CPNE4: variants seen among roughly 807,000 people sequenced by gnomAD.
CPNE4 encodes copine-4.
CPNE4 carries 25 observed loss-of-function variants against 67.9 expected under a neutral mutation model. That is an observed-to-expected ratio of 0.37 (90% CI 0.27 to 0.51). The LOEUF is 0.51. Ranked by LOEUF, CPNE4 falls within the 20% of genes least tolerant of loss-of-function variation. The pLI is 0.93. For missense variants in CPNE4, 464 were observed against 690.8 expected, an observed-to-expected ratio of 0.67 and a Z score of 3.68; for synonymous variants, 242 against 244.9, an observed-to-expected ratio of 0.99 and a Z score of 0.11.
At chr3:131,717,650 C>T (rs563970957) in intron 3 of CPNE4, among the ~76,000 whole-genome samples, 4 of 152,320 alleles carry the variant, frequency 2.6e-5, no homozygotes, top group African/African-American at 7.2e-5. Context: ...CCTGCAAACT[C>T]CGCCTCCCTC....
chr3:131,669,553 A>T, intron 7 of CPNE4, 122 bp downstream of exon 7: 1 of 675,676 alleles, frequency 1.5e-6, no homozygotes, highest in Non-Finnish European at 2.5e-6. Flanking sequence ...AGATGCTAAA[A>T]GATGAGAGGG....
chr3:132,006,792 C>T (rs1234908208), intron 1 of CPNE4, among the ~76,000 whole-genome samples: 1 of 152,018 alleles, frequency 6.6e-6, no homozygotes, highest in African/African-American at 2.4e-5. Context: ...GTGCCCAGAC[C>T]GCAAAGGGGC....
chr3:131,581,212 C>A (rs59453402), intron 9 of CPNE4, among the ~76,000 whole-genome samples: 9,305 of 152,048 alleles, frequency 0.061, 725 homozygotes, highest in African/African-American at 0.19. Context: ...CAAACCAAAC[C>A]AAACAAAACA....
chr3:132,002,187 T>G (rs1031429720), intron 1 of CPNE4, among the ~76,000 whole-genome samples: 1 of 152,124 alleles, frequency 6.6e-6, no homozygotes, highest in Non-Finnish European at 1.5e-5. Flanking sequence ...GTGCCCCATT[T>G]ATCATCTCAA....
chr3:132,000,158 G>A (rs2073394542), intron 1 of CPNE4, among the ~76,000 whole-genome samples: 1 of 151,878 alleles, frequency 6.6e-6, no homozygotes, highest in South Asian at 2.1e-4. Flanking sequence ...AACAAGATAG[G>A]ATAGATAAAA....
chr3:131,546,232 A>G (rs193118058), intron 14 of CPNE4, among the ~76,000 whole-genome samples: 76 of 152,334 alleles, frequency 5.0e-4, no homozygotes, highest in African/African-American at 1.7e-3. Flanking sequence ...TCATCTAGCT[A>G]AAGGCACTAG....
chr3:131,974,999 C>A (rs1279027414), intron 1 of CPNE4, among the ~76,000 whole-genome samples: 4 of 152,032 alleles, frequency 2.6e-5, no homozygotes, highest in Non-Finnish European at 2.9e-5. Flanking sequence ...CAGAGCCAGA[C>A]CCTGTCTCAA....
At chr3:131,917,039 A>G (rs1399159857) in intron 1 of CPNE4, among the ~76,000 whole-genome samples, 2 of 152,166 alleles carry the variant, frequency 1.3e-5, no homozygotes, top group Non-Finnish European at 2.9e-5. Flanking sequence ...ATTGGTGGTG[A>G]CTGCCCATCT....
At chr3:131,807,585 CTAGG>C (rs1200171665) in intron 2 of CPNE4, among the ~76,000 whole-genome samples, 1 of 151,800 alleles carries the variant, frequency 6.6e-6, no homozygotes. Context: ...ATTTATTTCT[CTAGG>C]TTAAAAAAAG....
chr3:131,637,535 T>C (rs1400354635), intron 7 of CPNE4, among the ~76,000 whole-genome samples: 1 of 152,182 alleles, frequency 6.6e-6, no homozygotes, highest in Non-Finnish European at 1.5e-5. Context: ...CCAATAAGTT[T>C]GGGACTATGT....
At chr3:131,557,859 G>A (rs1040083429) in intron 11 of CPNE4, among the ~76,000 whole-genome samples, 33 of 151,938 alleles carry the variant, frequency 2.2e-4, no homozygotes, top group Non-Finnish European at 4.4e-4. Context: ...CTGAAGTAAG[G>A]CTTTTCTGGG....
At chr3:131,955,535 A>T (rs975549547) in intron 1 of CPNE4, among the ~76,000 whole-genome samples, 5 of 150,286 alleles carry the variant, frequency 3.3e-5, no homozygotes, top group Non-Finnish European at 7.4e-5. Flanking sequence ...AAATGCCACA[A>T]AACAGGGCTT....
chr3:131,856,407 G>A (rs1179434657), intron 2 of CPNE4, among the ~76,000 whole-genome samples: 1 of 151,728 alleles, frequency 6.6e-6, no homozygotes, highest in Non-Finnish European at 1.5e-5. Context: ...CTTTCATAGG[G>A]ATCACATACT....
chr3:131,579,743 G>A (rs1337594689), intron 9 of CPNE4, among the ~76,000 whole-genome samples: 1 of 152,212 alleles, frequency 6.6e-6, no homozygotes, highest in African/African-American at 2.4e-5. Flanking sequence ...GGAATTATAA[G>A]TGGAGCCTGA....
chr3:131,835,043 A>G (rs2085502896), intron 2 of CPNE4, among the ~76,000 whole-genome samples: 1 of 152,202 alleles, frequency 6.6e-6, no homozygotes, highest in Non-Finnish European at 1.5e-5. Context: ...TACTTCTGCT[A>G]ATTTCAACAA....
At chr3:131,620,994 GT>G (rs150889507) in intron 7 of CPNE4, among the ~76,000 whole-genome samples, 6,052 of 152,242 alleles carry the variant, frequency 0.04, 391 homozygotes, top group African/African-American at 0.14. Context: ...TCATCAAGTG[GT>G]TTTTGTCTGT....
chr3:131,706,602 CA>C (rs2081419438), intron 3 of CPNE4, among the ~76,000 whole-genome samples: 2 of 152,188 alleles, frequency 1.3e-5, no homozygotes, highest in Non-Finnish European at 2.9e-5. Context: ...GGGAGTCAGA[CA>C]TGCCTCATTA....
chr3:131,884,297 C>A (rs1171994946), intron 2 of CPNE4, among the ~76,000 whole-genome samples: 1 of 152,056 alleles, frequency 6.6e-6, no homozygotes, highest in Non-Finnish European at 1.5e-5. Flanking sequence ...CTGCTTCTGG[C>A]CATTGAATTG....
rs376292960 is a variant in CPNE4, at chr3:131,969,552, T to C, written c.-1-64108A>G. 5.9e-5 allele frequency among the ~76,000 whole-genome samples: 9 copies of C among 152,274 alleles called. No individual in the cohort carries two copies. The South Asian group carries it at 8.3e-4, about 14-fold the overall frequency. On this transcript the variant is annotated intron_variant, in intron 1 of 15. Coordinates refer to ENST00000429747, the MANE Select transcript of CPNE4 (RefSeq NM_130808.3). ...GCATATAATAAACTCTCAAGGACAC[T>C]TGAGGCTGTTTTCTGATTTTTTTTC...
Sources: gnomAD v4.1 joint callset for allele counts (sites outside exome capture counted in the v4.1 genomes callset) on GRCh38, gnomAD v4.1.1 for gene constraint, MANE v1.5 for transcripts, NCBI Gene and HGNC (gene_info 2026-07-23, HGNC 2026-07-21) for gene names.